The following PTPRD variants were observed in gnomAD, a reference collection of about 807,000 sequenced individuals.
PTPRD encodes the protein receptor-type tyrosine-protein phosphatase delta.
A neutral mutation model predicts 214.5 loss-of-function variants in PTPRD; 34 were observed. That is an observed-to-expected ratio of 0.16 (90% confidence interval 0.12 to 0.21). The LOEUF (loss-of-function observed/expected upper bound fraction) is 0.21, where lower values mean the gene tolerates loss of function less well. Among genes scored for constraint, PTPRD ranks in the 10% least tolerant of loss-of-function variants. The pLI is 1.00. For synonymous variants in PTPRD, 1,128 were observed against 845.7 expected (o/e 1.33, Z -5.79); for missense variants, 2,545 against 2,398.7 (o/e 1.06, Z -1.27).
At chr9:10,355,681 T>G (rs532148573) in intron 2 of PTPRD, among the ~76,000 whole-genome samples, 155 of 152,220 alleles carry the variant, frequency 1.0e-3, no homozygotes, top group African/African-American at 2.9e-3. Flanking sequence ...TTTCACCATG[T>G]TGGTCAGGGT....
intron 7 of PTPRD, among the ~76,000 whole-genome samples, chr9:9,624,503 GT>G (rs2095356223): frequency 6.6e-6 from 1 of 151,964 alleles, no homozygotes; most frequent in South Asian, 2.1e-4. Flanking sequence ...GGCCAGGCTG[GT>G]CTCAAACCCC....
At chr9:9,330,256 G>C (rs2041812644) in intron 9 of PTPRD, among the ~76,000 whole-genome samples, 2 of 151,782 alleles carry the variant, frequency 1.3e-5, no homozygotes, top group Admixed American at 1.3e-4. Context: ...CACACCACTG[G>C]CTTAATGTCT....
At chr9:9,461,764 A>C (rs1013748868) in intron 8 of PTPRD, among the ~76,000 whole-genome samples, 2 of 152,146 alleles carry the variant, frequency 1.3e-5, no homozygotes, top group African/African-American at 4.8e-5. Flanking sequence ...ATCCAGACCT[A>C]GAGTGAAGGC....
chr9:8,793,045 C>G (rs1220903335), intron 11 of PTPRD, among the ~76,000 whole-genome samples: 1 of 152,152 alleles, frequency 6.6e-6, no homozygotes, highest in Non-Finnish European at 1.5e-5. Context: ...TATGTAAGGT[C>G]CTGTAGCGCT....
intron 11 of PTPRD, among the ~76,000 whole-genome samples, chr9:8,832,410 CTTT>C (rs5896262): frequency 0.017 from 2,172 of 127,956 alleles, 70 homozygotes; most frequent in African/African-American, 0.042. Flanking sequence ...CTAAAATCAT[CTTT>C]TTTTTTTTTT....
At chr9:8,506,573 CT>C (rs1229172713) in intron 22 of PTPRD, among the ~76,000 whole-genome samples, 4 of 152,166 alleles carry the variant, frequency 2.6e-5, no homozygotes, top group South Asian at 4.1e-4. Flanking sequence ...AATTATTTAA[CT>C]TTTTTTCCAT....
At chr9:10,242,541 T>A (rs10756014) in intron 3 of PTPRD, among the ~76,000 whole-genome samples, 82,507 of 151,434 alleles carry the variant, frequency 0.54, 24,016 homozygotes, top group East Asian at 0.73. Flanking sequence ...TGTACCAGGC[T>A]TTCTGCTAGA....
chr9:9,705,402 C>A (rs956946979), intron 7 of PTPRD, among the ~76,000 whole-genome samples: 2 of 152,022 alleles, frequency 1.3e-5, no homozygotes, highest in Admixed American at 6.6e-5. Flanking sequence ...ATGTTGAAAT[C>A]AAAAATTCAA....
chr9:9,061,753 C>A (rs2099707837), intron 10 of PTPRD, among the ~76,000 whole-genome samples: 1 of 152,162 alleles, frequency 6.6e-6, no homozygotes. Context: ...TACCGAGGGC[C>A]TTGGGACCCA....
At chr9:9,044,143 T>A (rs1017547715) in intron 10 of PTPRD, among the ~76,000 whole-genome samples, 3 of 152,150 alleles carry the variant, frequency 2.0e-5, no homozygotes, top group African/African-American at 7.2e-5. Context: ...TATGACAACA[T>A]GAACTTCCAT....
intron 9 of PTPRD, among the ~76,000 whole-genome samples, chr9:9,255,569 T>G (rs1338116024): frequency 2.0e-5 from 3 of 152,074 alleles, no homozygotes; most frequent in Non-Finnish European, 4.4e-5. Context: ...GCCTTTTAAG[T>G]GATTACATAA....
At chr9:8,361,875 G>A (rs2078586005) in intron 39 of PTPRD, among the ~76,000 whole-genome samples, 1 of 152,142 alleles carries the variant, frequency 6.6e-6, no homozygotes, top group Non-Finnish European at 1.5e-5. Context: ...TCCCCCACAG[G>A]GCAGAAATAA....
intron 2 of PTPRD, among the ~76,000 whole-genome samples, chr9:10,429,448 G>A (rs1010237539): frequency 1.3e-5 from 2 of 151,814 alleles, no homozygotes; most frequent in African/African-American, 4.8e-5. Context: ...GTCTATCAAC[G>A]AATGAATAAA....
At chr9:9,730,942 A>G (rs1409130574) in intron 7 of PTPRD, among the ~76,000 whole-genome samples, 2 of 152,114 alleles carry the variant, frequency 1.3e-5, no homozygotes, top group Admixed American at 6.6e-5. Flanking sequence ...TATTATTTTG[A>G]CCTCTTAAAA....
intron 10 of PTPRD, among the ~76,000 whole-genome samples, chr9:9,105,061 C>A (rs1034066811): frequency 1.3e-5 from 2 of 152,158 alleles, no homozygotes; most frequent in Non-Finnish European, 2.9e-5. Flanking sequence ...TAATACATAT[C>A]CTATTTATTT....
chr9:9,674,738 A>G (rs2096897152), intron 7 of PTPRD, among the ~76,000 whole-genome samples: 1 of 151,800 alleles, frequency 6.6e-6, no homozygotes, highest in Admixed American at 6.6e-5. Context: ...TTATGATAAA[A>G]TATTTGATTT....
chr9:9,132,111 C>G (rs928251927), intron 10 of PTPRD, among the ~76,000 whole-genome samples: 1 of 152,048 alleles, frequency 6.6e-6, no homozygotes, highest in Non-Finnish European at 1.5e-5. Context: ...GGGTTCACGC[C>G]GTTCTCCTGC....
chr9:9,059,699 A>C (rs1391314508), intron 10 of PTPRD, among the ~76,000 whole-genome samples: 2 of 152,106 alleles, frequency 1.3e-5, no homozygotes, highest in African/African-American at 4.8e-5. Context: ...GTATATACAA[A>C]GATGAAATAT....
chr9:8,820,708 A>T (rs1011996252), intron 11 of PTPRD, among the ~76,000 whole-genome samples: 1 of 152,080 alleles, frequency 6.6e-6, no homozygotes, highest in Admixed American at 6.6e-5. Context: ...TTGAAATTAA[A>T]ATATATACAT....
Sources: gnomAD v4.1 joint callset for allele counts (sites outside exome capture counted in the v4.1 genomes callset) on GRCh38, gnomAD v4.1.1 for gene constraint, MANE v1.5 for transcripts, NCBI Gene and HGNC (gene_info 2026-07-23, HGNC 2026-07-21) for gene names.